Variants in IDUA observed in about 807,000 individuals in gnomAD.
IDUA encodes the protein alpha-L-iduronidase.
IDUA carries 65 observed loss-of-function variants against 68.9 expected under a neutral mutation model. That is an observed-to-expected ratio of 0.94 (90% CI 0.77 to 1.16). The LOEUF is 1.16. Ranked by LOEUF, IDUA falls within the 50% of genes most tolerant of loss-of-function variation. The pLI, the probability that IDUA is intolerant of heterozygous loss-of-function variation, is 0.00. For missense variants in IDUA, 1,046 were observed against 938.0 expected, an observed-to-expected ratio of 1.12 and a Z score of -1.50; for synonymous variants, 529 against 433.6, an observed-to-expected ratio of 1.22 and a Z score of -2.73.
At chr4:988,520 TAAG>T in intron 2 of IDUA, 2 of 1,187,406 alleles carry the variant, frequency 1.7e-6, no homozygotes, top group Non-Finnish European at 2.1e-6. Context: ...CTTGTTCAAA[TAAG>T]ATGTCAACCC....
At position 1,004,284 on chromosome 4, in the gene IDUA, A is replaced by G; in HGVS notation, c.1853A>G (p.Tyr618Cys). 5.0e-6 allele frequency: 8 copies of G among 1,610,418 alleles called. No homozygotes were observed. Among genetic ancestry groups the G allele is most frequent in the Non-Finnish European group, 6.8e-6 (8 of 1,179,896 alleles). The change falls in exon 14 of 14, where the codon TAC becomes TGC. Residue 618 changes from tyrosine (Y) to cysteine (C), a missense_variant. Transcript: ENST00000514224. The surrounding 1 kb of genome is among the most constrained non-coding windows in gnomAD (Gnocchi z 5.0). ...SPDTGAVSGS[Y>C]RVRALDYWAR... Reference sequence around the variant, plus strand: ...GACACAGGTGCTGTCTCTGGCTCCTACCGAGTTCGAGCCCTGGACTACTGG... The same window carrying G: ...GACACAGGTGCTGTCTCTGGCTCCTGCCGAGTTCGAGCCCTGGACTACTGG...
chr4:1,003,960 A>G lies in IDUA; in HGVS notation c.1728-52A>G. ...ACGCGGCCGTGCCCTGCCTGCTCCC[A>G]CCTTTGAGGACTGTCTTGACCCCAG... On this transcript the variant is annotated intron_variant, in intron 12 of 13. Transcript: ENST00000514224. 11 of 1,457,290 alleles carry G rather than the reference A, an allele frequency of 7.5e-6. No homozygotes were observed. The South Asian group carries it at 1.0e-4, about 14-fold the overall frequency. 90.3% of individuals were successfully genotyped at this position (1,457,290 alleles called of 1,614,324 possible). A position where few individuals can be genotyped will look rare whatever the true frequency, so the allele number is the denominator to read the frequency against.
Position 1,002,912 on chromosome 4 carries a change from C to T in IDUA, c.1370C>T (p.Thr457Ile), listed in dbSNP as rs1358182793. 1 of 1,382,656 alleles carries T rather than the reference C, an allele frequency of 7.2e-7. No homozygotes were observed. The allele number at this position is 1,382,656 out of a possible 1,614,324, so 85.6% of individuals were successfully genotyped here. A position where few individuals can be genotyped will look rare whatever the true frequency, so the allele number is the denominator to read the frequency against. Reference sequence around the variant, plus strand: ...CACCCCAACCGCAGCGTCGCGGTGACCCTGCGGCTGCGCGGGGTGCCCCCC... The same window carrying T: ...CACCCCAACCGCAGCGTCGCGGTGATCCTGCGGCTGCGCGGGGTGCCCCCC... ...RAHPNRSVAV[T>I]LRLRGVPPGP... Residue 457 changes from threonine to isoleucine, a missense_variant, in exon 9 of 14, where the codon ACC becomes ATC. Physicochemically the swap from Thr to Ile is moderately conservative, Grantham distance 89. Coordinates refer to ENST00000514224, the MANE Select transcript of IDUA (RefSeq NM_000203.5).
In IDUA at chr4:1,002,713, G is replaced by C. The variant is rs1285206431; in HGVS notation, c.1190-19G>C. 967 of 1,364,306 alleles carry C rather than the reference G, an allele frequency of 7.1e-4. 3 individuals carry two copies. The highest frequency in any genetic ancestry group is 8.7e-4 in the Non-Finnish European group (891 of 1,022,256). The allele number at this position is 1,364,306 out of a possible 1,614,324, so 84.5% of individuals were successfully genotyped here. Reference sequence around the variant, plus strand: ...TGGGCAACGACCCCACGCGGCGACGGCCCCCCCCCGCCCCGCAGATGAGGA... The same window carrying C: ...TGGGCAACGACCCCACGCGGCGACGCCCCCCCCCCGCCCCGCAGATGAGGA... On this transcript the variant is annotated intron_variant, in intron 8 of 13. Transcript: ENST00000514224.
At chr4:993,100 G>A (rs1714497549) in intron 2 of IDUA, among the ~76,000 whole-genome samples, 1 of 152,118 alleles carries the variant, frequency 6.6e-6, no homozygotes, top group Non-Finnish European at 1.5e-5. Flanking sequence ...TTCCCTGGAA[G>A]ACCCCACCAC....
At chr4:991,440 G>T in intron 2 of IDUA, 1 of 1,612,788 alleles carries the variant, frequency 6.2e-7, no homozygotes, top group South Asian at 1.1e-5. Flanking sequence ...ATGAGTAGGC[G>T]ATGGCCTGCG....
chr4:997,994 C>T (rs1714845082), intron 2 of IDUA, among the ~76,000 whole-genome samples: 1 of 152,272 alleles, frequency 6.6e-6, no homozygotes, highest in Non-Finnish European at 1.5e-5. Flanking sequence ...CTTCACTTTC[C>T]TCCAGGTCAC....
In IDUA at chr4:1,001,483, C is replaced by G. The variant is rs764394402; in HGVS notation, c.509C>G (p.Ala170Gly). The change falls in exon 5 of 14, where the codon GCG becomes GGG. Residue 170 changes from alanine to glycine, a missense_variant. Ala to Gly is a moderately conservative substitution (Grantham distance 60). Transcript: ENST00000514224. ...ARRYIGRYGL[A>G]HVSKWNFETW... ...TCCTCTGCAGGTAGGTACGGACTGG[C>G]GCATGTTTCCAAGTGGAACTTCGAG... 3 of 1,613,072 alleles carry G rather than the reference C, an allele frequency of 1.9e-6. No individual in the cohort carries two copies. In the East Asian group the frequency reaches 6.7e-5, roughly 36 times the overall value.
At chr4:987,746 G>T in intron 1 of IDUA, 63 bp from the exon 2 acceptor site, 1 of 1,605,876 alleles carries the variant, frequency 6.2e-7, no homozygotes, top group Non-Finnish European at 8.5e-7. Flanking sequence ...TTGAACGTGT[G>T]TGTCAGCCGC....
At chr4:1,002,708 C>T (rs1715171860) in intron 8 of IDUA, 24 bp from the exon 9 acceptor site, 2 of 1,424,220 alleles carry the variant, frequency 1.4e-6, no homozygotes, top group Admixed American at 2.2e-5. Flanking sequence ...CCCCACGCGG[C>T]GACGGCCCCC....
chr4:999,366 T>G (rs985621426), intron 2 of IDUA, among the ~76,000 whole-genome samples: 2 of 152,204 alleles, frequency 1.3e-5, no homozygotes, highest in Non-Finnish European at 2.9e-5. Flanking sequence ...TTATTCTGTC[T>G]CAGGCCCACC....
chr4:998,181 T>C (rs1714857556), intron 2 of IDUA, among the ~76,000 whole-genome samples: 1 of 152,146 alleles, frequency 6.6e-6, no homozygotes. Flanking sequence ...CTGCTCCTGC[T>C]GGACACCCAG....
intron 2 of IDUA, 70 bp from the exon 3 acceptor site, chr4:1,000,542 C>A: frequency 8.0e-7 from 1 of 1,243,560 alleles, no homozygotes; most frequent in Non-Finnish European, 1.2e-6. Flanking sequence ...TCCGTTGTGG[C>A]CACGGTTCCA....
chr4:999,240 C>T (rs1033904545), intron 2 of IDUA, among the ~76,000 whole-genome samples: 10 of 152,038 alleles, frequency 6.6e-5, no homozygotes, highest in Non-Finnish European at 1.2e-4. Flanking sequence ...AATGCCCTGG[C>T]ACTGCTCAGC....
At chr4:991,175 C>A (rs763566253) in intron 2 of IDUA, 1 of 1,579,420 alleles carries the variant, frequency 6.3e-7, no homozygotes, top group Non-Finnish European at 8.6e-7. Context: ...ACACGGATGG[C>A]GTAGCAGTCA....
intron 2 of IDUA, among the ~76,000 whole-genome samples, chr4:999,091 G>C (rs1402433074): frequency 6.6e-6 from 1 of 151,998 alleles, no homozygotes; most frequent in Admixed American, 6.5e-5. Flanking sequence ...TGTAGTCCCA[G>C]CTACTCAGGA....
chr4:1,002,276 C>T lies in IDUA; in HGVS notation c.980C>T (p.Ala327Val), dbSNP rs2153022317. 3.7e-6 allele frequency: 6 copies of T among 1,611,186 alleles called. No homozygotes were observed. The highest frequency in any genetic ancestry group is 5.1e-6 in the Non-Finnish European group (6 of 1,179,020). Residue 327 changes from alanine to valine, a missense_variant, in exon 8 of 14, where the codon GCG (alanine) becomes GTG (valine). Coordinates refer to ENST00000514224, the MANE Select transcript of IDUA (RefSeq NM_000203.5). Reference sequence around the variant, plus strand: ...TGCCCTGGACACCCGCAGGTCATCGCGCAGCATCAGAACCTGCTACTGGCC... The same window carrying T: ...TGCCCTGGACACCCGCAGGTCATCGTGCAGCATCAGAACCTGCTACTGGCC... Reference protein sequence around the residue: ...TYAAMVVKVIAQHQNLLLANT... With the variant: ...TYAAMVVKVIVQHQNLLLANT...
rs770514371 is a variant in IDUA, at chr4:1,001,591, C to T, written c.589+28C>T. The T allele has an allele frequency of 7.4e-6, 12 of 1,611,516 alleles. No individual in the cohort carries two copies. The Admixed American group carries it at 1.5e-4, about 20-fold the overall frequency. On this transcript the variant is annotated intron_variant, in intron 5 of 13. Transcript: ENST00000514224. ...GTGCACCGCTTCCTGGGGTCCTGCCCGGCTGAAAGGGGGCAGAGGAAGGCA... is the reference window on the plus strand; with the variant it reads ...GTGCACCGCTTCCTGGGGTCCTGCCTGGCTGAAAGGGGGCAGAGGAAGGCA...
rs1257968688 is a variant in IDUA, at chr4:1,003,453, G to A, written c.1633G>A (p.Glu545Lys). The A allele has an allele frequency of 7.1e-6, 11 of 1,553,500 alleles. No homozygotes were observed. The Admixed American group carries it at 1.9e-4, about 27-fold the overall frequency. ...LLLVHVCARP[E>K]KPPGQVTRLR... ...GCTGGTGCACGTGTGTGCGCGCCCC[G>A]AGAAGCCGCCCGGGCAGGCAAGTGG... The change falls in exon 11 of 14, where the codon GAG (glutamate) becomes AAG (lysine). Residue 545 changes from glutamate to lysine, a missense_variant. Coordinates refer to ENST00000514224, the MANE Select transcript of IDUA (RefSeq NM_000203.5).
Sources: gnomAD v4.1 joint callset for allele counts (sites outside exome capture counted in the v4.1 genomes callset) on GRCh38, gnomAD v4.1.1 for gene constraint, Gnocchi (gnomAD v3.1) non-coding constraint, MANE v1.5 for transcripts, NCBI Gene and HGNC (gene_info 2026-07-23, HGNC 2026-07-21) for gene names.